The following ANKS1B variants were observed in gnomAD, a reference collection of about 807,000 sequenced individuals.
ANKS1B encodes ankyrin repeat and sterile alpha motif domain containing 1B, also known as ankyrin repeat and sterile alpha motif domain-containing protein 1B.
Under a neutral mutation model 148.3 loss-of-function variants are expected in ANKS1B, and 36 were observed. That is an observed-to-expected ratio of 0.24 (90% confidence interval 0.19 to 0.32). The LOEUF (loss-of-function observed/expected upper bound fraction) is 0.32. ANKS1B is among the 10% of genes least tolerant of loss of function. The pLI, the probability that ANKS1B is intolerant of heterozygous loss-of-function variation, is 1.00. For missense variants in ANKS1B, 1,157 were observed against 1,542.6 expected (o/e 0.75, Z 4.19); for synonymous variants, 542 against 560.8 (o/e 0.97, Z 0.47).
intron 9 of ANKS1B, among the ~76,000 whole-genome samples, chr12:99,591,835 G>A (rs1001961244): frequency 2.6e-5 from 4 of 152,130 alleles, no homozygotes; most frequent in Admixed American, 6.6e-5. Flanking sequence ...CAAAGCCATT[G>A]AGTCTTGCCC....
chr12:99,496,723 A>AT lies in ANKS1B; in HGVS notation c.1438+7752dup, dbSNP rs77182249. On this transcript the variant is annotated intron_variant, in intron 10 of 26. Transcript: ENST00000683438. ...TTAAATTAAACTAGTACATCTGATA[A>AT]TTTTTTTTTTCCTGTGGTCAGGATT... 4.9e-4 allele frequency among the ~76,000 whole-genome samples: 74 copies of AT among 151,088 alleles called. No homozygotes were observed. The East Asian group carries it at 9.6e-3, about 20-fold the overall frequency.
chr12:99,129,089 G>A (rs2065296750), intron 15 of ANKS1B, among the ~76,000 whole-genome samples: 1 of 152,116 alleles, frequency 6.6e-6, no homozygotes, highest in Admixed American at 6.6e-5. Context: ...GCAGATAGAG[G>A]AGGTCCAGTC....
At chr12:99,767,405 T>A (rs184651288) in intron 8 of ANKS1B, among the ~76,000 whole-genome samples, 4 of 147,966 alleles carry the variant, frequency 2.7e-5, no homozygotes, top group Admixed American at 2.0e-4. Context: ...TACAAATGTT[T>A]AAAAAAAAAA....
chr12:99,396,503 C>T (rs1224921691), intron 12 of ANKS1B, among the ~76,000 whole-genome samples: 1 of 152,000 alleles, frequency 6.6e-6, no homozygotes, highest in East Asian at 1.9e-4. Context: ...CTTAGAAAAC[C>T]ACTGTAACAT....
intron 14 of ANKS1B, among the ~76,000 whole-genome samples, chr12:99,206,903 A>T (rs2082737683): frequency 6.6e-6 from 1 of 152,216 alleles, no homozygotes; most frequent in Admixed American, 6.5e-5. Flanking sequence ...TCTTAAAGTG[A>T]GAGAGAGTAC....
At chr12:98,799,719 T>G (rs1335549538) in intron 21 of ANKS1B, among the ~76,000 whole-genome samples, 1 of 151,906 alleles carries the variant, frequency 6.6e-6, no homozygotes, top group African/African-American at 2.4e-5. Context: ...ATGCCCCTCG[T>G]GCTCCAGCTT....
chr12:99,627,329 T>C lies in ANKS1B; in HGVS notation c.1272+27738A>G, dbSNP rs142400443. On this transcript the variant is annotated intron_variant, in intron 9 of 26. Transcript: ENST00000683438. Reference sequence around the variant, plus strand: ...GTAGTAATTAAAACAAAAAGAGAAATTGAATGCATCCTTTAGCTATAATAA... The same window carrying C: ...GTAGTAATTAAAACAAAAAGAGAAACTGAATGCATCCTTTAGCTATAATAA... 9.1e-3 allele frequency among the ~76,000 whole-genome samples: 1,390 copies of C among 152,266 alleles called. 25 individuals are homozygous for C. Among genetic ancestry groups the C allele is most frequent in the African/African-American group, 0.032 (1,310 of 41,560 alleles).
intron 14 of ANKS1B, among the ~76,000 whole-genome samples, chr12:99,161,247 A>C (rs964567266): frequency 1.3e-4 from 20 of 152,150 alleles, no homozygotes; most frequent in African/African-American, 4.3e-4. Context: ...GTGTTATCAA[A>C]ATCAATGGAG....
intron 9 of ANKS1B, among the ~76,000 whole-genome samples, chr12:99,509,158 C>G (rs1370024521): frequency 6.6e-6 from 1 of 151,710 alleles, no homozygotes; most frequent in Non-Finnish European, 1.5e-5. Context: ...CAGCCATTCC[C>G]CTGTCTCATC....
chr12:99,374,498 G>A (rs145527023), intron 12 of ANKS1B, among the ~76,000 whole-genome samples: 3 of 152,258 alleles, frequency 2.0e-5, no homozygotes, highest in African/African-American at 7.2e-5. Context: ...CTTGTACCCT[G>A]AGCTGCAAAG....
intron 16 of ANKS1B, among the ~76,000 whole-genome samples, chr12:99,073,549 G>A (rs1224091866): frequency 6.6e-6 from 1 of 152,202 alleles, no homozygotes; most frequent in Admixed American, 6.5e-5. Context: ...CCCGGTGGCT[G>A]CTGGACAGCT....
intron 9 of ANKS1B, among the ~76,000 whole-genome samples, chr12:99,643,311 GT>G (rs1367451458): frequency 1.1e-4 from 16 of 152,184 alleles, no homozygotes; most frequent in African/African-American, 3.9e-4. Context: ...AGACGCATCT[GT>G]GAATCTGTGA....
At position 98,750,988 on chromosome 12, in the gene ANKS1B, A is replaced by T. The variant is rs547024751; in HGVS notation, c.3747+367T>A. Among the ~76,000 whole-genome samples the T allele has an allele frequency of 4.1e-4, 63 of 152,302 alleles. 3 individuals are homozygous for T. The South Asian group carries it at 0.012, about 30-fold the overall frequency. The stretch of plus-strand genomic sequence containing the variant: ...ACCTCTCTGGAGGCCAGGGGCTTGT[A>T]GGAGGCTTTGCCCTCTGATGGGATG... On this transcript the variant is annotated intron_variant, in intron 26 of 26. Transcript: ENST00000683438.
At chr12:99,918,926 C>A (rs2094259362) in intron 1 of ANKS1B, among the ~76,000 whole-genome samples, 1 of 152,164 alleles carries the variant, frequency 6.6e-6, no homozygotes, top group Non-Finnish European at 1.5e-5. Context: ...ACAAGTTATG[C>A]ATTTTTGAAC....
intron 8 of ANKS1B, among the ~76,000 whole-genome samples, chr12:99,695,081 GA>G (rs397937271): frequency 1.3e-5 from 2 of 152,170 alleles, no homozygotes; most frequent in East Asian, 3.9e-4. Flanking sequence ...AAGTGGGGGG[GA>G]AATAGTGCTT....
intron 16 of ANKS1B, among the ~76,000 whole-genome samples, chr12:99,069,241 G>T (rs1251746487): frequency 6.6e-6 from 1 of 152,154 alleles, no homozygotes; most frequent in Admixed American, 6.6e-5. Flanking sequence ...GGGACACAAG[G>T]TAATTGTTAC....
intron 1 of ANKS1B, among the ~76,000 whole-genome samples, chr12:99,930,721 A>G (rs1366477977): frequency 6.6e-6 from 1 of 152,208 alleles, no homozygotes; most frequent in African/African-American, 2.4e-5. Context: ...GTGGAGAAAT[A>G]GGAATACTTT....
chr12:99,613,808 G>A (rs187831996), intron 9 of ANKS1B, among the ~76,000 whole-genome samples: 14 of 151,648 alleles, frequency 9.2e-5, no homozygotes, highest in South Asian at 8.4e-4. Flanking sequence ...CATGACACAC[G>A]TTTACTTATG....
intron 12 of ANKS1B, among the ~76,000 whole-genome samples, chr12:99,377,682 T>C (rs949753890): frequency 1.2e-4 from 19 of 152,226 alleles, no homozygotes; most frequent in Non-Finnish European, 7.3e-5. Context: ...TCAAGCTACA[T>C]TGAAGGCATT....
Sources: gnomAD v4.1 joint callset for allele counts (sites outside exome capture counted in the v4.1 genomes callset) on GRCh38, gnomAD v4.1.1 for gene constraint, MANE v1.5 for transcripts, NCBI Gene and HGNC (gene_info 2026-07-23, HGNC 2026-07-21) for gene names.